NLRP7: variants seen among roughly 807,000 people sequenced by gnomAD.
NLRP7 encodes NACHT, LRR and PYD domains-containing protein 7.
A neutral mutation model predicts 85.5 loss-of-function variants in NLRP7; 72 were observed. The observed-to-expected ratio is 0.84, with a 90% CI of 0.70 to 1.02. The LOEUF (loss-of-function observed/expected upper bound fraction) is 1.02, where lower values mean the gene tolerates loss of function less well. Ranked by LOEUF, NLRP7 falls within the 50% of genes least tolerant of loss-of-function variation. The pLI, the probability that NLRP7 is intolerant of heterozygous loss-of-function variation, is 0.00. For synonymous variants in NLRP7, 550 were observed against 505.2 expected (o/e 1.09, Z -1.19); for missense variants, 1,243 against 1,219.5 (o/e 1.02, Z -0.29).
chr19:54,932,637 T>C (rs1279787492), intron 8 of NLRP7, among the ~76,000 whole-genome samples: 1 of 152,090 alleles, frequency 6.6e-6, no homozygotes, highest in Non-Finnish European at 1.5e-5. Context: ...CTTTTACAAA[T>C]AAGGATTTTT....
intron 5 of NLRP7, 89 bp from the exon 6 acceptor site, chr19:54,936,520 A>C: frequency 8.7e-7 from 1 of 1,151,210 alleles, no homozygotes; most frequent in Non-Finnish European, 1.3e-6. Context: ...TTTCACATTT[A>C]GAAATTATTA....
intron 8 of NLRP7, among the ~76,000 whole-genome samples, chr19:54,931,286 C>T (rs777280652): frequency 1.3e-5 from 2 of 151,806 alleles, no homozygotes; most frequent in South Asian, 2.1e-4. Context: ...GGGCCGGGCG[C>T]GGTGGCTCAA....
At chr19:54,950,437 T>G (rs1420357192), upstream of NLRP7, among the ~76,000 whole-genome samples, 1 of 152,158 alleles carries the variant, frequency 6.6e-6, no homozygotes, top group Non-Finnish European at 1.5e-5. Flanking sequence ...CGCCAGCTTC[T>G]GAGTTCCCTT....
chr19:54,947,895 AAAAG>A (rs901625511), upstream of NLRP7: 19 of 266,934 alleles, frequency 7.1e-5, no homozygotes, highest in Non-Finnish European at 1.3e-4. Context: ...AAATTAAAAA[AAAAG>A]AGGACAAAAA....
intron 9 of NLRP7, among the ~76,000 whole-genome samples, chr19:54,928,027 A>G (rs558806017): frequency 2.5e-4 from 38 of 152,238 alleles, no homozygotes; most frequent in Middle Eastern, 3.4e-3. Context: ...CAGGAGTTCG[A>G]GACCAGCCAG....
chr19:54,963,657 C>G (rs896849122), intron 1 of NLRP7, among the ~76,000 whole-genome samples: 12 of 151,884 alleles, frequency 7.9e-5, no homozygotes, highest in African/African-American at 2.9e-4. Context: ...AACCCCATCT[C>G]TACTAAAAAT....
Position 54,927,421 on chromosome 19 carries a change from G to T in NLRP7, c.2810+3078C>A, listed in dbSNP as rs545430718. Reference sequence around the variant, plus strand: ...AAAAAGAAAAAAATTAGCTGGACATGTTGGCATGCCTCTAGGCCCAGCTAC... The same window carrying T: ...AAAAAGAAAAAAATTAGCTGGACATTTTGGCATGCCTCTAGGCCCAGCTAC... On this transcript the variant is annotated intron_variant, in intron 9 of 9. Transcript: ENST00000340844. Among the ~76,000 whole-genome samples the T allele has an allele frequency of 7.4e-4, 112 of 151,330 alleles. No individual in the cohort carries two copies. In the Middle Eastern group the frequency reaches 0.01, roughly 14 times the overall value.
At position 54,942,706 on chromosome 19, in the gene NLRP7, ACT is replaced by A. The variant is rs775483920; in HGVS notation, c.-39-958_-39-957del. ...CTCGAGCCTCGGCAACAAGAACAAG[ACT>A]CTGTCTCAAACAAACAAAAAAACAA... On this transcript the variant is annotated intron_variant, in intron 1 of 9. Transcript: ENST00000340844. Among the ~76,000 whole-genome samples, 82 of 152,076 alleles carry A rather than the reference ACT, an allele frequency of 5.4e-4. 1 individual carries two copies. The highest frequency in any genetic ancestry group is 2.7e-4 in the African/African-American group (11 of 41,490).
At chr19:54,944,762 G>A (rs2069391775) in intron 1 of NLRP7, among the ~76,000 whole-genome samples, 1 of 151,582 alleles carries the variant, frequency 6.6e-6, no homozygotes, top group Non-Finnish European at 1.5e-5. Flanking sequence ...AGGAGACCTT[G>A]TCTCTATTTT....
At chr19:54,927,761 G>C in intron 9 of NLRP7, 1 of 1,614,008 alleles carries the variant, frequency 6.2e-7, no homozygotes, top group Non-Finnish European at 8.5e-7. Context: ...AGGCATGAGG[G>C]AGCAGCTCCA....
At chr19:54,936,075 T>G (rs1331039191) in intron 6 of NLRP7, among the ~76,000 whole-genome samples, 186 bp downstream of exon 6, 1 of 152,084 alleles carries the variant, frequency 6.6e-6, no homozygotes, top group Non-Finnish European at 1.5e-5. Flanking sequence ...GATAGCTGGT[T>G]ATGCAACACA....
rs942872842 is a variant in NLRP7, at chr19:54,941,757, G to T, written c.-39-7C>A. The T allele has an allele frequency of 1.3e-6, 2 of 1,576,382 alleles. No individual in the cohort carries two copies. The highest frequency in any genetic ancestry group is 1.4e-5 in the African/African-American group (1 of 72,558). ...TTAGGTTAAGGCTGAAGAACTGGGG[G>T]GAAAAAAGGAAAAACAGTTCACGAG... On this transcript the variant is annotated splice_polypyrimidine_tract_variant and splice_region_variant and intron_variant, in intron 1 of 9. Coordinates refer to ENST00000340844, the Ensembl canonical transcript of NLRP7.
chr19:54,946,056 G>T (rs1439830349), intron 1 of NLRP7, among the ~76,000 whole-genome samples: 2 of 152,114 alleles, frequency 1.3e-5, no homozygotes, highest in African/African-American at 4.8e-5. Context: ...CTCCCATAGT[G>T]CTGGGATTAC....
At chr19:54,930,768 T>C (rs541773728) in intron 8 of NLRP7, 102 bp from the exon 9 acceptor site, 11 of 961,374 alleles carry the variant, frequency 1.1e-5, no homozygotes, top group Non-Finnish European at 1.7e-5. Flanking sequence ...TATACTGGAA[T>C]GCAGTGCTGC....
At chr19:54,939,113 T>C in exon 4 of NLRP7, 1 of 1,614,204 alleles carries the variant, frequency 6.2e-7, no homozygotes, top group South Asian at 1.1e-5. Flanking sequence ...CAAGACCTCC[T>C]TCAGGTCGGT....
chr19:54,945,650 G>A (rs2069437329), intron 1 of NLRP7, among the ~76,000 whole-genome samples: 1 of 151,922 alleles, frequency 6.6e-6, no homozygotes, highest in Non-Finnish European at 1.5e-5. Flanking sequence ...CCAGGCTGGA[G>A]TGCAGTGGCA....
intron 1 of NLRP7, among the ~76,000 whole-genome samples, chr19:54,955,437 G>A (rs1445206382): frequency 1.3e-5 from 2 of 152,218 alleles, no homozygotes; most frequent in Non-Finnish European, 2.9e-5. Context: ...GGGCAGCCCA[G>A]GTAGGTGGAT....
At chr19:54,961,935 G>A (rs1012199820) in intron 1 of NLRP7, among the ~76,000 whole-genome samples, 10 of 151,584 alleles carry the variant, frequency 6.6e-5, no homozygotes, top group Admixed American at 4.6e-4. Context: ...GAGGCGGGTG[G>A]ATCACCTGAG....
In NLRP7 at chr19:54,935,533, T is replaced by TA. The variant is rs527660069; in HGVS notation, c.2300+727dup. On this transcript the variant is annotated intron_variant, in intron 6 of 9. Transcript: ENST00000340844. ...CAACATGGTGAAACCCTGTCTCTAT[T>TA]AAAAATACAAACATTTGCCAGGCGT... is the stretch of plus-strand genomic sequence containing the variant. 1.5e-3 allele frequency among the ~76,000 whole-genome samples: 233 copies of TA among 152,002 alleles called. 4 individuals carry two copies. In the East Asian group the frequency reaches 0.031, roughly 20 times the overall value.
Sources: gnomAD v4.1 joint callset for allele counts (sites outside exome capture counted in the v4.1 genomes callset) on GRCh38, gnomAD v4.1.1 for gene constraint, MANE v1.5 for transcripts, NCBI Gene and HGNC (gene_info 2026-07-23, HGNC 2026-07-21) for gene names.